Variants in AFF1 observed in about 807,000 individuals in gnomAD.
AFF1 encodes the protein AF4/FMR2 family member 1.
In AFF1, 48 loss-of-function variants were observed where a neutral mutation model predicts 121.7. The observed-to-expected ratio is 0.39, with a 90% confidence interval of 0.31 to 0.50. The LOEUF (loss-of-function observed/expected upper bound fraction) is 0.50. Among genes scored for constraint, AFF1 ranks in the 20% least tolerant of loss-of-function variants. The pLI is 0.76. For missense variants in AFF1, 1,523 were observed against 1,511.7 expected (o/e 1.01, Z -0.12); for synonymous variants, 613 against 563.0 (o/e 1.09, Z -1.26).
intron 4 of AFF1, among the ~76,000 whole-genome samples, chr4:87,052,410 C>T (rs1381369669): frequency 6.6e-6 from 1 of 151,988 alleles, no homozygotes; most frequent in Non-Finnish European, 1.5e-5. Flanking sequence ...GACCCTGTCT[C>T]AACCGCTCCC....
chr4:86,965,407 A>G (rs1722467625), intron 2 of AFF1, among the ~76,000 whole-genome samples: 1 of 152,148 alleles, frequency 6.6e-6, no homozygotes, highest in African/African-American at 2.4e-5. Flanking sequence ...TTTGGTTTGG[A>G]TTAATGTTCA....
intron 12 of AFF1, among the ~76,000 whole-genome samples, chr4:87,118,149 C>T (rs1727311376): frequency 6.6e-6 from 1 of 152,214 alleles, no homozygotes; most frequent in African/African-American, 2.4e-5. Flanking sequence ...GAGTCTGTCC[C>T]TCTCTTGGCA....
At chr4:86,978,565 C>T (rs1723490100) in intron 2 of AFF1, among the ~76,000 whole-genome samples, 1 of 151,718 alleles carries the variant, frequency 6.6e-6, no homozygotes, top group South Asian at 2.1e-4. Context: ...CTTTTGGAGA[C>T]AGGGTCTTGC....
chr4:87,064,166 T>G (rs1274245206), intron 4 of AFF1, among the ~76,000 whole-genome samples: 1 of 152,210 alleles, frequency 6.6e-6, no homozygotes, highest in Non-Finnish European at 1.5e-5. Flanking sequence ...CCCGTCACAT[T>G]TGAGCATTGT....
intron 2 of AFF1, among the ~76,000 whole-genome samples, chr4:86,995,403 A>G (rs1388775517): frequency 2.0e-5 from 3 of 147,548 alleles, no homozygotes; most frequent in Non-Finnish European, 3.0e-5. Flanking sequence ...GCTCACTGCA[A>G]CCTCCCTGCC....
intron 2 of AFF1, among the ~76,000 whole-genome samples, chr4:87,031,975 T>C (rs1729128546): frequency 6.6e-6 from 1 of 152,244 alleles, no homozygotes; most frequent in African/African-American, 2.4e-5. Context: ...TTTATGCAAG[T>C]GAACTGCCTA....
At chr4:86,944,364 T>C (rs1301124420) in intron 1 of AFF1, among the ~76,000 whole-genome samples, 2 of 65,874 alleles carry the variant, frequency 3.0e-5, no homozygotes, top group African/African-American at 7.7e-5. Context: ...GAAGAATAAT[T>C]TTCTGGAGGT....
intron 2 of AFF1, among the ~76,000 whole-genome samples, chr4:86,951,963 CATCATTTTTT>C (rs903782597): frequency 6.8e-6 from 1 of 146,968 alleles, no homozygotes; most frequent in African/African-American, 2.5e-5. Context: ...ACAATTGTTT[CATCATTTTTT>C]ATTAAATCAC....
chr4:87,074,400 T>C (rs748188174), intron 4 of AFF1, among the ~76,000 whole-genome samples: 5 of 152,216 alleles, frequency 3.3e-5, no homozygotes, highest in Non-Finnish European at 7.4e-5. Flanking sequence ...ATGTGGTCTT[T>C]CATCAAAGGC....
At chr4:87,124,634 TGGA>T (rs1265358981) in intron 12 of AFF1, among the ~76,000 whole-genome samples, 1 of 152,226 alleles carries the variant, frequency 6.6e-6, no homozygotes, top group African/African-American at 2.4e-5. Context: ...CGAAAGAAGT[TGGA>T]GGAAACCTCA....
At chr4:86,949,483 T>C (rs1440325656) in intron 2 of AFF1, among the ~76,000 whole-genome samples, 1 of 149,676 alleles carries the variant, frequency 6.7e-6, no homozygotes, top group Non-Finnish European at 1.5e-5. Flanking sequence ...ATTGCAGAGT[T>C]GTTTTTATTG....
chr4:86,982,921 A>G (rs7685248), intron 2 of AFF1, among the ~76,000 whole-genome samples: 142,008 of 150,100 alleles, frequency 0.95, 67,581 homozygotes, highest in Non-Finnish European at 1. Context: ...CAGGTAGAAG[A>G]CGCCTTCTTT....
At chr4:87,053,347 G>A (rs1731451774) in intron 4 of AFF1, among the ~76,000 whole-genome samples, 1 of 152,260 alleles carries the variant, frequency 6.6e-6, no homozygotes, top group South Asian at 2.1e-4. Context: ...GGACCACTTT[G>A]ATTCATTGCA....
At chr4:87,007,102 C>T in intron 2 of AFF1, 1 of 1,258,756 alleles carries the variant, frequency 7.9e-7, no homozygotes, top group Non-Finnish European at 1.0e-6. Context: ...TCAGAAACTG[C>T]GCCGGGGGCG....
chr4:86,959,953 C>A (rs906358310), intron 2 of AFF1, among the ~76,000 whole-genome samples: 1 of 152,132 alleles, frequency 6.6e-6, no homozygotes, highest in African/African-American at 2.4e-5. Flanking sequence ...GGGCCAGGGC[C>A]TCGTTTGCAA....
At chr4:87,120,611 G>GC (rs1560648870) in intron 12 of AFF1, among the ~76,000 whole-genome samples, 1 of 152,194 alleles carries the variant, frequency 6.6e-6, no homozygotes, top group East Asian at 1.9e-4. Context: ...CTCAAGAGGC[G>GC]CACAAGGTCG....
chr4:87,005,204 C>T (rs1441629324), intron 2 of AFF1, among the ~76,000 whole-genome samples: 1 of 152,190 alleles, frequency 6.6e-6, no homozygotes, highest in Non-Finnish European at 1.5e-5. Context: ...GTATCAAACT[C>T]CTGAGCTTAA....
intron 4 of AFF1, among the ~76,000 whole-genome samples, chr4:87,066,298 G>A (rs1054822959): frequency 2.6e-5 from 4 of 152,154 alleles, no homozygotes; most frequent in African/African-American, 9.7e-5. Flanking sequence ...TCATTGCCCT[G>A]CAGACTCTGT....
chr4:87,063,904 A>T (rs956807387), intron 4 of AFF1, among the ~76,000 whole-genome samples: 1 of 152,236 alleles, frequency 6.6e-6, no homozygotes, highest in Admixed American at 6.5e-5. Flanking sequence ...GCAGAATCCC[A>T]AGAAATATCT....
Sources: allele counts gnomAD v4.1 joint callset (sites outside exome capture counted in the v4.1 genomes callset), GRCh38; gene constraint gnomAD v4.1.1; transcripts MANE v1.5; gene names NCBI Gene and HGNC (gene_info 2026-07-23, HGNC 2026-07-21).